CSNK1A1: variants seen among roughly 807,000 people sequenced by gnomAD.
CSNK1A1 encodes casein kinase 1 alpha 1.
CSNK1A1 carries 7 observed loss-of-function variants against 46.1 expected under a neutral mutation model. The ratio of observed to expected loss-of-function variants is 0.15; its 90% CI spans 0.09 to 0.29. The LOEUF is 0.29. CSNK1A1 is among the 10% of genes least tolerant of loss of function. CSNK1A1 has a pLI of 1.00. For synonymous variants in CSNK1A1, 137 were observed against 141.5 expected (o/e 0.97, Z 0.23); for missense variants, 96 against 417.1 (o/e 0.23, Z 6.71).
Position 149,496,704 on chromosome 5 carries a change from GT to G in CSNK1A1, c.*148del. On this transcript the variant is annotated 3_prime_UTR_variant, in exon 10 of 10. Transcript: ENST00000377843. ...GCATCACCAATGCTGCCCAGAGTCA[GT>G]TTATACTGAAATTAAGTTCTTTACA... 1 of 1,080,796 alleles carries G rather than the reference GT, an allele frequency of 9.3e-7. No homozygotes were observed. The highest frequency in any genetic ancestry group is 1.7e-5 in the South Asian group (1 of 58,756). 67.0% of individuals were successfully genotyped at this position (1,080,796 alleles called of 1,614,324 possible).
rs1211899301 is a variant in CSNK1A1, at chr5:149,493,359, CACTT to C, written c.*3490_*3493del. The C allele has an allele frequency of 8.3e-6, 1 of 120,582 alleles. No individual in the cohort carries two copies. Among genetic ancestry groups the C allele is most frequent in the African/African-American group, 3.5e-5 (1 of 28,502 alleles). 7.5% of individuals were successfully genotyped at this position (120,582 alleles called of 1,614,324 possible). A position where few individuals can be genotyped will look rare whatever the true frequency, so the allele number is the denominator to read the frequency against. Reference sequence around the variant, plus strand: ...GCGTGTGCCACTGCTCCTAGCCAACCACTTTTTTTTTTTTTTTTTTTTTTAGATT... The same window carrying C: ...GCGTGTGCCACTGCTCCTAGCCAACCTTTTTTTTTTTTTTTTTTTTAGATT... On this transcript the variant is annotated 3_prime_UTR_variant, in exon 10 of 10. Transcript: ENST00000377843.
chr5:149,547,256 C>T (rs1762511153), intron 2 of CSNK1A1, among the ~76,000 whole-genome samples: 1 of 152,160 alleles, frequency 6.6e-6, no homozygotes, highest in African/African-American at 2.4e-5. Flanking sequence ...TTATAACTAC[C>T]ATAACTCTCT....
chr5:149,544,553 T>TA (rs1375100583), intron 2 of CSNK1A1, among the ~76,000 whole-genome samples: 1 of 151,056 alleles, frequency 6.6e-6, no homozygotes, highest in Admixed American at 6.6e-5. Context: ...TTAATTCAAT[T>TA]TAGAATGGAA....
rs1165963695 is a variant in CSNK1A1 at position 149,494,811 on chromosome 5, C to A, written c.*2042G>T. ...AATCTGCAACTTAATTACAGACCAA[C>A]TACACCACAACCTTTTCAAATGGCA... On this transcript the variant is annotated 3_prime_UTR_variant, in exon 10 of 10. Coordinates refer to ENST00000377843, the MANE Select transcript of CSNK1A1 (RefSeq NM_001892.6). The A allele has an allele frequency of 6.6e-6, 1 of 152,160 alleles. No individual in the cohort carries two copies. The highest frequency in any genetic ancestry group is 1.9e-4 in the East Asian group (1 of 5,194). The allele number at this position is 152,160 out of a possible 1,614,324, so 9.4% of individuals were successfully genotyped here.
chr5:149,497,975 A>C, intron 9 of CSNK1A1: 1 of 602,200 alleles, frequency 1.7e-6, no homozygotes, highest in Non-Finnish European at 2.1e-6. Flanking sequence ...CTGGGACTAT[A>C]GGTGCCTGCC....
intron 7 of CSNK1A1, among the ~76,000 whole-genome samples, chr5:149,508,552 T>C (rs1761110008): frequency 6.6e-6 from 1 of 152,246 alleles, no homozygotes; most frequent in South Asian, 2.1e-4. Flanking sequence ...ATGACACAAA[T>C]ACCTCTCTAT....
chr5:149,502,539 GACGATGTTGGA>G (rs1760903302), intron 9 of CSNK1A1: 1 of 157,086 alleles, frequency 6.4e-6, no homozygotes, highest in African/African-American at 3.5e-5. Context: ...GGGGGTTGGG[GACGATGTTGGA>G]GGGAGCTGGG....
chr5:149,507,189 TAA>T, intron 7 of CSNK1A1, 56 bp from the exon 8 acceptor site: 1 of 1,327,410 alleles, frequency 7.5e-7, no homozygotes, highest in Non-Finnish European at 1.1e-6. Context: ...GATAGAAAAA[TAA>T]ATGCATTTAA....
intron 2 of CSNK1A1, among the ~76,000 whole-genome samples, chr5:149,547,689 C>A (rs1762523571): frequency 6.6e-6 from 1 of 151,480 alleles, no homozygotes. Context: ...TTTTTAAAGG[C>A]AAGAATGATT....
intron 9 of CSNK1A1, chr5:149,497,260 A>C (rs1200311459): frequency 1.0e-6 from 1 of 995,584 alleles, no homozygotes; most frequent in East Asian, 1.1e-4. Flanking sequence ...CATAGGCACA[A>C]ATTATTTCTG....
intron 2 of CSNK1A1, among the ~76,000 whole-genome samples, chr5:149,541,245 T>C (rs1205415959): frequency 6.6e-6 from 1 of 150,752 alleles, no homozygotes; most frequent in Non-Finnish European, 1.5e-5. Context: ...CTCCGTCTCC[T>C]GGGATCAAGC....
At chr5:149,502,691 A>G in intron 9 of CSNK1A1, 2 of 985,270 alleles carry the variant, frequency 2.0e-6, no homozygotes, top group Non-Finnish European at 2.4e-6. Context: ...TTTTAACAAG[A>G]AAACCCCAGT....
At chr5:149,520,188 A>G in intron 4 of CSNK1A1, 102 bp downstream of exon 4, 1 of 704,190 alleles carries the variant, frequency 1.4e-6, no homozygotes, top group Non-Finnish European at 2.4e-6. Flanking sequence ...TCAACAGCAA[A>G]TTCAACTTAC....
At chr5:149,506,679 A>G (rs1432447049) in intron 8 of CSNK1A1, among the ~76,000 whole-genome samples, 3 of 152,170 alleles carry the variant, frequency 2.0e-5, no homozygotes, top group Non-Finnish European at 4.4e-5. Flanking sequence ...ATCAGACTCC[A>G]TGACTATGTG....
At chr5:149,534,385 G>A (rs1303636387) in intron 2 of CSNK1A1, among the ~76,000 whole-genome samples, 1 of 151,086 alleles carries the variant, frequency 6.6e-6, no homozygotes, top group South Asian at 2.1e-4. Context: ...TCGGGAGGCT[G>A]AGGCAGAAGA....
At chr5:149,512,686 T>C (rs986301119) in intron 5 of CSNK1A1, among the ~76,000 whole-genome samples, 1 of 152,186 alleles carries the variant, frequency 6.6e-6, no homozygotes, top group Non-Finnish European at 1.5e-5. Flanking sequence ...ACTGATAACA[T>C]TTTCCTTTTA....
chr5:149,512,990 G>T (rs1245495826), intron 5 of CSNK1A1, 80 bp downstream of exon 5: 5 of 1,518,990 alleles, frequency 3.3e-6, no homozygotes, highest in Non-Finnish European at 4.5e-6. Flanking sequence ...CTTAGACATT[G>T]TAAGAAACTA....
rs192015137 is a variant in CSNK1A1 at position 149,509,529 on chromosome 5, T to C, written c.750+350A>G. On this transcript the variant is annotated intron_variant, in intron 7 of 9. Coordinates refer to ENST00000377843, the MANE Select transcript of CSNK1A1 (RefSeq NM_001892.6). ...GATCCTCCTGCCTCAGGCTCCTGAGTAGCTGGGACCACAGACGTGTATCAC... is the reference window on the plus strand; with the variant it reads ...GATCCTCCTGCCTCAGGCTCCTGAGCAGCTGGGACCACAGACGTGTATCAC... Among the ~76,000 whole-genome samples the C allele has an allele frequency of 1.7e-3, 261 of 152,298 alleles. 1 individual carries two copies. Among genetic ancestry groups the C allele is most frequent in the African/African-American group, 5.7e-3 (239 of 41,572 alleles).
chr5:149,510,266 A>AT (rs1262173220), intron 6 of CSNK1A1, among the ~76,000 whole-genome samples: 3 of 151,512 alleles, frequency 2.0e-5, no homozygotes, highest in African/African-American at 7.3e-5. Flanking sequence ...CTTTCTATAT[A>AT]TTTTTTTAAG....
Sources: gnomAD v4.1 joint callset for allele counts (sites outside exome capture counted in the v4.1 genomes callset) on GRCh38, gnomAD v4.1.1 for gene constraint, MANE v1.5 for transcripts, NCBI Gene and HGNC (gene_info 2026-07-23, HGNC 2026-07-21) for gene names.